Variants in SUFU observed in about 807,000 individuals in gnomAD.
The protein encoded by SUFU is suppressor of fused homolog.
SUFU carries 7 observed loss-of-function variants against 58.9 expected under a neutral mutation model. The ratio of observed to expected loss-of-function variants is 0.12; its 90% CI spans 0.07 to 0.22. The LOEUF (loss-of-function observed/expected upper bound fraction) is 0.22, where lower values mean the gene tolerates loss of function less well. Among genes scored for constraint, SUFU ranks in the 10% least tolerant of loss-of-function variants. The probability of loss-of-function intolerance (pLI) is 1.00; values close to 1 mark genes in which losing one functional copy is unlikely to be tolerated. For missense variants in SUFU, 451 were observed against 641.3 expected (o/e 0.70, Z 3.20); for synonymous variants, 232 against 254.8 (o/e 0.91, Z 0.85).
intron 7 of SUFU, among the ~76,000 whole-genome samples, chr10:102,597,695 C>T (rs2063477343): frequency 6.6e-6 from 1 of 152,262 alleles, no homozygotes; most frequent in Non-Finnish European, 1.5e-5. Flanking sequence ...ATGCCAGATC[C>T]AAGGATCACT....
intron 7 of SUFU, among the ~76,000 whole-genome samples, chr10:102,597,930 G>A (rs2063479684): frequency 6.6e-6 from 1 of 152,348 alleles, no homozygotes; most frequent in South Asian, 2.1e-4. Context: ...TTTTAGTAGA[G>A]GGCGTCCCCA....
chr10:102,514,865 G>A (rs530631425), intron 2 of SUFU, among the ~76,000 whole-genome samples: 1 of 152,380 alleles, frequency 6.6e-6, no homozygotes, highest in South Asian at 2.1e-4. Flanking sequence ...TAGTTGGAGA[G>A]TGCATTTGAG....
chr10:102,509,309 T>C lies in SUFU; in HGVS notation c.317+6T>C, dbSNP rs769183288. 6.2e-7 allele frequency: 1 copy of C among 1,613,936 alleles called. No individual in the cohort carries two copies. The highest frequency in any genetic ancestry group is 8.5e-7 in the Non-Finnish European group (1 of 1,180,018). On this transcript the variant is annotated splice_donor_region_variant and intron_variant, in intron 2 of 11. Coordinates refer to ENST00000369902, the MANE Select transcript of SUFU (RefSeq NM_016169.4). Reference sequence around the variant, plus strand: ...GGTGACAACAGAGTCCATGAGTGAGTATATGCCACCTGTTCTTTATCCAGA... The same window carrying C: ...GGTGACAACAGAGTCCATGAGTGAGCATATGCCACCTGTTCTTTATCCAGA...
chr10:102,618,924 C>T, intron 10 of SUFU: 1 of 791,116 alleles, frequency 1.3e-6, no homozygotes, highest in East Asian at 3.1e-5. Context: ...CAAGTGTCCT[C>T]AGGTAGCGTG....
rs975936230 is a variant in SUFU, at chr10:102,504,180, C to T, written c.28C>T (p.Pro10Ser). 1 of 1,547,238 alleles carries T rather than the reference C, an allele frequency of 6.5e-7. No homozygotes were observed. The highest frequency in any genetic ancestry group is 1.2e-5 in the South Asian group (1 of 84,206). MAELRPSGA[P>S]GPTAPPAPGP... ...GGCGGAGCTGCGGCCTAGCGGCGCC[C>T]CCGGCCCCACCGCGCCCCCGGCCCC... The change falls in exon 1 of 12, where the codon CCC becomes TCC. Residue 10 changes from proline (P) to serine (S), a missense_variant. Transcript: ENST00000369902.
chr10:102,527,602 T>G (rs17114641), intron 2 of SUFU, among the ~76,000 whole-genome samples: 15,350 of 152,160 alleles, frequency 0.1, 1,254 homozygotes, highest in East Asian at 0.42. Context: ...ACATTGCTTT[T>G]TAATACCATC....
intron 2 of SUFU, among the ~76,000 whole-genome samples, chr10:102,530,478 A>T (rs1434934223): frequency 7.2e-6 from 1 of 138,650 alleles, no homozygotes; most frequent in Non-Finnish European, 1.5e-5. Flanking sequence ...TAATGGAGAC[A>T]GGGACTCACT....
intron 2 of SUFU, among the ~76,000 whole-genome samples, chr10:102,518,811 G>A (rs1030909305): frequency 6.6e-6 from 1 of 151,476 alleles, no homozygotes; most frequent in Non-Finnish European, 1.5e-5. Flanking sequence ...GATTATAGAC[G>A]TGAGTCACCG....
rs548371798 is a variant in SUFU at position 102,565,520 on chromosome 10, A to T, written c.454+15414A>T. ...ATCCTACATTGGAGAACTACATTAA[A>T]TGACTTGAAACTCTTAGTAGAAAGA... On this transcript the variant is annotated intron_variant, in intron 3 of 11. Coordinates refer to ENST00000369902, the MANE Select transcript of SUFU (RefSeq NM_016169.4). 3.3e-5 allele frequency among the ~76,000 whole-genome samples: 5 copies of T among 152,322 alleles called. No individual in the cohort carries two copies. The South Asian group carries it at 8.3e-4, about 25-fold the overall frequency.
chr10:102,544,369 A>G (rs2062833050), intron 2 of SUFU, among the ~76,000 whole-genome samples: 1 of 152,188 alleles, frequency 6.6e-6, no homozygotes, highest in South Asian at 2.1e-4. Flanking sequence ...TATATTTATA[A>G]GGTTACACAA....
intron 10 of SUFU, among the ~76,000 whole-genome samples, chr10:102,626,819 C>G (rs578212151): frequency 6.6e-6 from 1 of 152,034 alleles, no homozygotes; most frequent in Non-Finnish European, 1.5e-5. Context: ...AATTTTTTTT[C>G]CTTTTAATTT....
intron 8 of SUFU, among the ~76,000 whole-genome samples, chr10:102,607,408 A>C (rs1372665651): frequency 1.3e-5 from 2 of 152,238 alleles, no homozygotes; most frequent in Non-Finnish European, 2.9e-5. Flanking sequence ...ACAGGTATTA[A>C]ATCCAAGGAA....
intron 8 of SUFU, 143 bp downstream of exon 8, chr10:102,599,687 G>A: frequency 3.9e-6 from 3 of 767,908 alleles, no homozygotes; most frequent in South Asian, 1.5e-5. Context: ...GGCAGGCATG[G>A]TCTGGGGCAC....
intron 10 of SUFU, among the ~76,000 whole-genome samples, chr10:102,620,805 C>A (rs893549699): frequency 3.9e-5 from 6 of 152,320 alleles, no homozygotes; most frequent in East Asian, 3.9e-4. Flanking sequence ...TGAGCGGGAG[C>A]CCGGCCCAGA....
At chr10:102,562,435 A>G (rs185820002) in intron 3 of SUFU, among the ~76,000 whole-genome samples, 7 of 152,146 alleles carry the variant, frequency 4.6e-5, no homozygotes, top group Admixed American at 3.9e-4. Context: ...AGGCAGGAGA[A>G]TTGCTTGAAC....
intron 3 of SUFU, among the ~76,000 whole-genome samples, chr10:102,555,933 T>G (rs1407018113): frequency 6.6e-6 from 1 of 152,230 alleles, no homozygotes; most frequent in East Asian, 1.9e-4. Context: ...TAATTCTGTT[T>G]GATGGTCTTG....
rs1334136650 is a variant in SUFU, at chr10:102,504,118, C to G, written c.-35C>G. On this transcript the variant is annotated 5_prime_UTR_variant, in exon 1 of 12. Transcript: ENST00000369902. The stretch of plus-strand genomic sequence containing the variant: ...CAGTGCTCTCCCCGTCGTTTGCCCT[C>G]TCCAGTTCCCCCAGTGCCTGCCCTA... 2 of 1,529,828 alleles carry G rather than the reference C, an allele frequency of 1.3e-6. No homozygotes were observed. The highest frequency in any genetic ancestry group is 1.4e-5 in the African/African-American group (1 of 72,928). 94.8% of individuals were successfully genotyped at this position (1,529,828 alleles called of 1,614,324 possible). A position where few individuals can be genotyped will look rare whatever the true frequency, so the allele number is the denominator to read the frequency against.
At chr10:102,568,817 T>C (rs1399489519) in intron 3 of SUFU, among the ~76,000 whole-genome samples, 1 of 139,728 alleles carries the variant, frequency 7.2e-6, no homozygotes, top group Non-Finnish European at 1.5e-5. Flanking sequence ...GAGGTTGCAG[T>C]GAGCCAAGAT....
intron 6 of SUFU, 142 bp from the exon 7 acceptor site, chr10:102,596,998 G>C (rs1018975200): frequency 9.1e-6 from 9 of 985,618 alleles, no homozygotes; most frequent in Non-Finnish European, 1.4e-5. Flanking sequence ...AACAAGGTCA[G>C]AGATCCTGCT....
Sources: allele counts gnomAD v4.1 joint callset (sites outside exome capture counted in the v4.1 genomes callset), GRCh38; gene constraint gnomAD v4.1.1; transcripts MANE v1.5; gene names NCBI Gene and HGNC (gene_info 2026-07-23, HGNC 2026-07-21).